The following DIXDC1 variants were observed in gnomAD, a reference collection of about 807,000 sequenced individuals.
DIXDC1 encodes dixin.
Under a neutral mutation model 103.1 loss-of-function variants are expected in DIXDC1, and 64 were observed. That is an observed-to-expected ratio of 0.62 (90% confidence interval 0.51 to 0.76). DIXDC1 has a LOEUF of 0.76. DIXDC1 is among the 30% of genes least tolerant of loss of function. DIXDC1 has a pLI of 0.00. For missense variants in DIXDC1, 759 were observed against 834.2 expected, an observed-to-expected ratio of 0.91 and a Z score of 1.11; for synonymous variants, 266 against 298.5, an observed-to-expected ratio of 0.89 and a Z score of 1.12.
At chr11:112,012,197 C>A (rs1861444455) in intron 17 of DIXDC1, among the ~76,000 whole-genome samples, 2 of 152,148 alleles carry the variant, frequency 1.3e-5, no homozygotes, top group South Asian at 4.1e-4. Flanking sequence ...TAGATATAAA[C>A]AAGCCAATTC....
upstream of DIXDC1, among the ~76,000 whole-genome samples, chr11:111,932,806 T>C (rs1305567359): frequency 6.6e-6 from 1 of 152,218 alleles, no homozygotes; most frequent in Non-Finnish European, 1.5e-5. Context: ...GTTTTACTAG[T>C]CTTCCTTTTA....
intron 2 of DIXDC1, among the ~76,000 whole-genome samples, chr11:111,966,016 C>T (rs1304686670): frequency 6.6e-6 from 1 of 152,152 alleles, no homozygotes; most frequent in Non-Finnish European, 1.5e-5. Flanking sequence ...GATCAAACCT[C>T]CTTTTTCCAC....
chr11:112,013,148 C>T (rs1230172030), intron 17 of DIXDC1, among the ~76,000 whole-genome samples: 1 of 152,054 alleles, frequency 6.6e-6, no homozygotes, highest in Non-Finnish European at 1.5e-5. Flanking sequence ...GTCTCTGTGT[C>T]CTCACATGGG....
chr11:111,997,964 G>A (rs1318868321), intron 17 of DIXDC1, among the ~76,000 whole-genome samples: 1 of 152,174 alleles, frequency 6.6e-6, no homozygotes, highest in African/African-American at 2.4e-5. Flanking sequence ...TAAAAGAAGA[G>A]TCTATATTTG....
At chr11:111,971,046 C>T in intron 3 of DIXDC1, among the ~76,000 whole-genome samples, 1 of 152,218 alleles carries the variant, frequency 6.6e-6, no homozygotes, top group Middle Eastern at 3.4e-3. Context: ...AGGAAATAAC[C>T]CTACTTGATA....
upstream of DIXDC1, among the ~76,000 whole-genome samples, chr11:111,934,472 C>T (rs1966132678): frequency 6.6e-6 from 1 of 152,192 alleles, no homozygotes; most frequent in Admixed American, 6.5e-5. Flanking sequence ...AATGACAGCC[C>T]TGCAGCAGCA....
chr11:111,972,658 G>C lies in DIXDC1; in HGVS notation c.317-1365G>C, dbSNP rs142907230. ...TTTCCCTGTCTCCCCCTGCATTCTG[G>C]GCTCTGCCTATGCTGAACTTCTTTC... On this transcript the variant is annotated intron_variant, in intron 3 of 19. Coordinates refer to ENST00000440460, the MANE Select transcript of DIXDC1 (RefSeq NM_001037954.4). Among the ~76,000 whole-genome samples, 365 of 152,202 alleles carry C rather than the reference G, an allele frequency of 2.4e-3. 1 individual carries two copies. The highest frequency in any genetic ancestry group is 8.5e-3 in the African/African-American group (352 of 41,522).
rs782502774 is a variant in DIXDC1, at chr11:111,964,640, G to T, written c.152G>T (p.Arg51Leu). 2 of 1,612,240 alleles carry T rather than the reference G, an allele frequency of 1.2e-6. No individual in the cohort carries two copies. The highest frequency in any genetic ancestry group is 1.7e-6 in the Non-Finnish European group (2 of 1,179,286). ...GTGCAGGACCTGCGACAAGATCTCC[G>T]GGATGGGGTGATCCTGGCATATCTC... Reference protein sequence around the residue: ...KPVQDLRQDLRDGVILAYLIE... With the variant: ...KPVQDLRQDLLDGVILAYLIE... Residue 51 changes from arginine (R) to leucine (L), a missense_variant, in exon 2 of 20, where the codon CGG becomes CTG. By Grantham distance (102) the Arg-to-Leu change is moderately radical (BLOSUM62 -2). This residue lies in a region of DIXDC1 where 97 missense variants were observed against 85.4 expected (regional missense o/e 1.14). Transcript: ENST00000440460.
At chr11:112,004,026 TTA>T (rs34490826) in intron 17 of DIXDC1, among the ~76,000 whole-genome samples, 82,010 of 128,334 alleles carry the variant, frequency 0.64, 26,182 homozygotes, top group East Asian at 0.8. Flanking sequence ...AAAAAAAAAA[TTA>T]TATATATATA....
rs942700718 is a variant in DIXDC1 at position 111,977,189 on chromosome 11, C to T, written c.656+2206C>T. On this transcript the variant is annotated intron_variant, in intron 5 of 19. Transcript: ENST00000440460. The surrounding 1 kb of genome is among the most constrained non-coding windows in gnomAD (Gnocchi z 6.1). The stretch of plus-strand genomic sequence containing the variant: ...ACCCCGCCCAGCCCCGCCCCTGGCC[C>T]GCACCCTCAACCTCCGTCCAGAGCG... 6 of 940,856 alleles carry T rather than the reference C, an allele frequency of 6.4e-6. No homozygotes were observed. The African/African-American group carries it at 8.9e-5, about 14-fold the overall frequency. 58.3% of individuals were successfully genotyped at this position (940,856 alleles called of 1,614,324 possible).
intron 14 of DIXDC1, among the ~76,000 whole-genome samples, chr11:111,994,646 A>ATG (rs138661603): frequency 2.4e-4 from 37 of 151,600 alleles, no homozygotes; most frequent in Middle Eastern, 3.5e-3. Flanking sequence ...ATATATATAT[A>ATG]TGTGTGTGTG....
intron 17 of DIXDC1, among the ~76,000 whole-genome samples, chr11:111,996,671 T>C (rs1860910414): frequency 6.6e-6 from 1 of 152,036 alleles, no homozygotes; most frequent in Non-Finnish European, 1.5e-5. Context: ...GCCAACATGG[T>C]GAACCCCATC....
chr11:112,007,719 T>C (rs587665553), intron 17 of DIXDC1, among the ~76,000 whole-genome samples: 128 of 152,222 alleles, frequency 8.4e-4, no homozygotes, highest in African/African-American at 3.0e-3. Context: ...GCTTCATAAG[T>C]GAAGGAGAAA....
At chr11:112,005,162 T>C (rs1861196036) in intron 17 of DIXDC1, among the ~76,000 whole-genome samples, 1 of 152,128 alleles carries the variant, frequency 6.6e-6, no homozygotes, top group East Asian at 1.9e-4. Context: ...TCAACTACTG[T>C]TTATAGGAAA....
chr11:111,951,896 C>T (rs587624044), intron 1 of DIXDC1, among the ~76,000 whole-genome samples: 10 of 144,766 alleles, frequency 6.9e-5, no homozygotes, highest in Admixed American at 2.8e-4. Flanking sequence ...GATGGAGTCT[C>T]ACTCTGTCAC....
intron 10 of DIXDC1, among the ~76,000 whole-genome samples, chr11:111,989,760 A>G (rs1318539511): frequency 1.3e-5 from 2 of 151,756 alleles, no homozygotes; most frequent in African/African-American, 4.8e-5. Flanking sequence ...GCCCTGTCCC[A>G]TCAGTCATCT....
intron 2 of DIXDC1, among the ~76,000 whole-genome samples, chr11:111,931,997 TACTC>T (rs1464190779): frequency 3.3e-5 from 5 of 150,502 alleles, no homozygotes; most frequent in Non-Finnish European, 7.4e-5. Context: ...CTTAATATAA[TACTC>T]ACCCACAGGC....
Position 111,974,981 on chromosome 11 carries a change from C to T in DIXDC1, c.654C>T (p.Ser218=), listed in dbSNP as rs782551984. 2 of 1,610,256 alleles carry T rather than the reference C, an allele frequency of 1.2e-6. No homozygotes were observed. Among genetic ancestry groups the T allele is most frequent in the Non-Finnish European group, 1.7e-6 (2 of 1,178,584 alleles). Residue 218 remains serine, a splice_region_variant and synonymous_variant, in exon 5 of 20, where the codon TCC becomes TCT. Coordinates refer to ENST00000440460, the MANE Select transcript of DIXDC1 (RefSeq NM_001037954.4). ...GGTCCCCGTCTGAATCCAGCTGCTCCAGGTAACTGTGGCCTCTGAAACCTG... is the reference window on the plus strand; with the variant it reads ...GGTCCCCGTCTGAATCCAGCTGCTCTAGGTAACTGTGGCCTCTGAAACCTG... ...QQRSPSESSC[S]SLTSPSPIHS... is the part of the protein sequence containing the mutation.
chr11:112,012,025 C>G (rs1197679120), intron 17 of DIXDC1, among the ~76,000 whole-genome samples: 5 of 152,126 alleles, frequency 3.3e-5, no homozygotes, highest in African/African-American at 1.2e-4. Context: ...TGTGCAATGA[C>G]TATACTGACA....
Sources: allele counts gnomAD v4.1 joint callset (sites outside exome capture counted in the v4.1 genomes callset), GRCh38; gene constraint gnomAD v4.1.1; regional missense constraint gnomAD v4.1.1; non-coding constraint Gnocchi (gnomAD v3.1); transcripts MANE v1.5; gene names NCBI Gene and HGNC (gene_info 2026-07-23, HGNC 2026-07-21).